Variants in PCDHA4 observed in about 807,000 individuals in gnomAD.
PCDHA4 encodes the protein protocadherin alpha 4.
A neutral mutation model predicts 61.4 loss-of-function variants in PCDHA4; 49 were observed. The ratio of observed to expected loss-of-function variants is 0.80; its 90% confidence interval spans 0.63 to 1.01. The LOEUF (loss-of-function observed/expected upper bound fraction) is 1.01. PCDHA4 is among the 50% of genes least tolerant of loss of function. The pLI, the probability that PCDHA4 is intolerant of heterozygous loss-of-function variation, is 0.00. For missense variants in PCDHA4, 1,254 were observed against 1,235.8 expected (o/e 1.01, Z -0.22); for synonymous variants, 590 against 550.3 (o/e 1.07, Z -1.01).
Position 140,857,808 on chromosome 5 carries a change from G to A in PCDHA4, c.2385+48236G>A. ...CTGGTGCTGCGGTCGGTGGTTGCGG[G>A]TCACGTGGTGGCTAAGGTGCGCGCA... On this transcript the variant is annotated intron_variant, in intron 1 of 3. Coordinates refer to ENST00000530339, the MANE Select transcript of PCDHA4 (RefSeq NM_018907.4). The A allele has an allele frequency of 4.4e-6, 7 of 1,597,848 alleles. 1 individual carries two copies. The highest frequency in any genetic ancestry group is 6.0e-6 in the Non-Finnish European group (7 of 1,167,652).
chr5:140,907,491 C>A (rs1554193021), intron 1 of PCDHA4, among the ~76,000 whole-genome samples: 1 of 152,186 alleles, frequency 6.6e-6, no homozygotes, highest in Non-Finnish European at 1.5e-5. Flanking sequence ...AAACCCATAT[C>A]CAGAGTAAGT....
At chr5:140,822,882 T>C (rs1554128937) in intron 1 of PCDHA4, 45 of 1,614,098 alleles carry the variant, frequency 2.8e-5, no homozygotes, top group Non-Finnish European at 3.7e-5. Context: ...CGGTCATTGC[T>C]CTGATCAGCG....
rs367685277 is a variant in PCDHA4 at position 140,871,336 on chromosome 5, G to A, written c.2385+61764G>A. 5.0e-6 allele frequency: 8 copies of A among 1,614,062 alleles called. No homozygotes were observed. The African/African-American group carries it at 9.3e-5, about 19-fold the overall frequency. On this transcript the variant is annotated intron_variant, in intron 1 of 3. Transcript: ENST00000530339. ...CACGCTGGTGTGCTCCCGCGCGGTG[G>A]GGAGCTGGTCATACTCGCAGCAGAG...
chr5:140,836,387 G>T (rs1435398883), intron 1 of PCDHA4: 1 of 1,613,748 alleles, frequency 6.2e-7, no homozygotes, highest in Non-Finnish European at 8.5e-7. Flanking sequence ...TGCTGGTGTC[G>T]CTGGTGGAAA....
intron 1 of PCDHA4, among the ~76,000 whole-genome samples, chr5:140,957,527 T>C (rs1441282290): frequency 6.6e-6 from 1 of 152,138 alleles, no homozygotes; most frequent in African/African-American, 2.4e-5. Context: ...AGACATTCAG[T>C]GGGGATCTTA....
intron 1 of PCDHA4, among the ~76,000 whole-genome samples, chr5:140,921,089 T>C (rs2080011859): frequency 6.6e-6 from 1 of 151,966 alleles, no homozygotes; most frequent in African/African-American, 2.4e-5. Context: ...AAGAGAATCC[T>C]CCTGCCTCAG....
chr5:140,851,473 G>A, intron 1 of PCDHA4: 4 of 889,518 alleles, frequency 4.5e-6, no homozygotes, highest in African/African-American at 1.8e-5. Context: ...GTCAATAAAT[G>A]TTATAAACAC....
At chr5:140,881,046 T>C (rs1554171694) in intron 1 of PCDHA4, among the ~76,000 whole-genome samples, 1 of 152,238 alleles carries the variant, frequency 6.6e-6, no homozygotes, top group African/African-American at 2.4e-5. Context: ...TATAGAGTTG[T>C]GCACAGAACA....
chr5:140,982,772 A>T (rs144366377), intron 3 of PCDHA4, among the ~76,000 whole-genome samples: 67 of 152,052 alleles, frequency 4.4e-4, no homozygotes, highest in African/African-American at 1.5e-3. Context: ...TAACAAGGAA[A>T]GTGTGTGTGC....
At chr5:140,835,998 G>C in intron 1 of PCDHA4, 1 of 1,613,382 alleles carries the variant, frequency 6.2e-7, no homozygotes, top group African/African-American at 1.3e-5. Flanking sequence ...GAGCGCGCGC[G>C]ATGCGGGCGT....
intron 1 of PCDHA4, among the ~76,000 whole-genome samples, chr5:140,881,723 A>G (rs2058808704): frequency 6.6e-6 from 1 of 152,172 alleles, no homozygotes; most frequent in South Asian, 2.1e-4. Flanking sequence ...GGAGGTCTTG[A>G]AAAATATTAC....
chr5:140,820,833 A>G (rs1554127932), intron 1 of PCDHA4, among the ~76,000 whole-genome samples: 2 of 152,094 alleles, frequency 1.3e-5, no homozygotes. Context: ...TTTATCAGTA[A>G]TAGCAACTTG....
chr5:140,876,847 G>T, intron 1 of PCDHA4: 1 of 1,614,140 alleles, frequency 6.2e-7, no homozygotes, highest in Non-Finnish European at 8.5e-7. Context: ...CGCGCAGCCC[G>T]AGTACACAGT....
At chr5:140,986,951 T>C (rs1421822972) in intron 3 of PCDHA4, among the ~76,000 whole-genome samples, 1 of 152,128 alleles carries the variant, frequency 6.6e-6, no homozygotes, top group Non-Finnish European at 1.5e-5. Context: ...TGGTCGCTCA[T>C]GCCTGTAATT....
Position 140,870,545 on chromosome 5 carries a change from C to T in PCDHA4, c.2385+60973C>T, listed in dbSNP as rs1029944968. The T allele has an allele frequency of 1.2e-6, 2 of 1,614,108 alleles. No individual in the cohort carries two copies. Among genetic ancestry groups the T allele is most frequent in the Admixed American group, 1.7e-5 (1 of 60,034 alleles). On this transcript the variant is annotated intron_variant, in intron 1 of 3. Coordinates refer to ENST00000530339, the MANE Select transcript of PCDHA4 (RefSeq NM_018907.4). The stretch of plus-strand genomic sequence containing the variant: ...ATCTTCACAGTGTCGGCGCGGGACG[C>T]GGACGCGCAGGAGAACGCGCTGGTG...
At chr5:140,973,800 C>A (rs1554235613) in intron 1 of PCDHA4, among the ~76,000 whole-genome samples, 1 of 152,236 alleles carries the variant, frequency 6.6e-6, no homozygotes, top group Non-Finnish European at 1.5e-5. Context: ...ATGCTGTCTA[C>A]TTGACAGAAT....
rs542875982 is a variant in PCDHA4 at position 140,939,696 on chromosome 5, T to C, written c.2386-39253T>C. On this transcript the variant is annotated intron_variant, in intron 1 of 3. Coordinates refer to ENST00000530339, the MANE Select transcript of PCDHA4 (RefSeq NM_018907.4). Reference sequence around the variant, plus strand: ...TATGTATGTGTGTGTTGCTGGACATTATCATTTGTGAGATACATTTATATT... The same window carrying C: ...TATGTATGTGTGTGTTGCTGGACATCATCATTTGTGAGATACATTTATATT... Among the ~76,000 whole-genome samples the C allele has an allele frequency of 1.6e-4, 24 of 152,340 alleles. No homozygotes were observed. The East Asian group carries it at 2.7e-3, about 17-fold the overall frequency.
chr5:140,821,856 C>G, intron 1 of PCDHA4: 1 of 1,614,160 alleles, frequency 6.2e-7, no homozygotes, highest in East Asian at 2.2e-5. Flanking sequence ...AGGCAGGGAG[C>G]GGCCAGCTCC....
At chr5:140,865,274 A>G (rs1465243720) in intron 1 of PCDHA4, 5 of 152,220 alleles carry the variant, frequency 3.3e-5, no homozygotes, top group African/African-American at 1.2e-4. Flanking sequence ...AATTATATGT[A>G]AAATTACTTT....
Sources: gnomAD v4.1 joint callset for allele counts (sites outside exome capture counted in the v4.1 genomes callset) on GRCh38, gnomAD v4.1.1 for gene constraint, MANE v1.5 for transcripts, NCBI Gene and HGNC (gene_info 2026-07-23, HGNC 2026-07-21) for gene names.